DYM: variants seen among roughly 807,000 people sequenced by gnomAD.
DYM encodes the protein dymeclin.
DYM carries 78 observed loss-of-function variants against 93.1 expected under a neutral mutation model. The observed-to-expected ratio is 0.84, with a 90% CI of 0.70 to 1.01. The LOEUF (loss-of-function observed/expected upper bound fraction) is 1.01, where lower values mean the gene tolerates loss of function less well. Ranked by LOEUF, DYM falls within the 50% of genes least tolerant of loss-of-function variation. The pLI, the probability that DYM is intolerant of heterozygous loss-of-function variation, is 0.00. For synonymous variants in DYM, 321 were observed against 319.7 expected (o/e 1.00, Z -0.04); for missense variants, 789 against 845.0 (o/e 0.93, Z 0.82).
intron 14 of DYM, among the ~76,000 whole-genome samples, chr18:49,189,750 C>T (rs2090794820): frequency 6.6e-6 from 1 of 151,912 alleles, no homozygotes; most frequent in Admixed American, 6.6e-5. Flanking sequence ...GTAATAAAGC[C>T]ACAGGGAAAA....
At chr18:49,235,461 A>C (rs1462635945) in intron 13 of DYM, among the ~76,000 whole-genome samples, 1 of 90,512 alleles carries the variant, frequency 1.1e-5, no homozygotes, top group Admixed American at 1.3e-4. Context: ...TTGTGAAAAA[A>C]ATTTAAAAAT....
At chr18:49,104,130 C>A (rs1460697349) in intron 16 of DYM, among the ~76,000 whole-genome samples, 1 of 152,068 alleles carries the variant, frequency 6.6e-6, no homozygotes, top group East Asian at 1.9e-4. Context: ...TCCTTCACAT[C>A]CCTTGTAAGT....
At chr18:49,252,868 C>A (rs1189907016) in intron 13 of DYM, among the ~76,000 whole-genome samples, 1 of 152,126 alleles carries the variant, frequency 6.6e-6, no homozygotes, top group African/African-American at 2.4e-5. Flanking sequence ...TCTTGAAATT[C>A]AATAACCTCA....
At chr18:49,342,367 T>C (rs1358455246) in intron 6 of DYM, among the ~76,000 whole-genome samples, 1 of 152,210 alleles carries the variant, frequency 6.6e-6, no homozygotes, top group Non-Finnish European at 1.5e-5. Flanking sequence ...AGTCTCTCCA[T>C]TAAAAGGTCT....
intron 8 of DYM, among the ~76,000 whole-genome samples, chr18:49,312,215 CA>C (rs1161771173): frequency 6.6e-6 from 1 of 152,154 alleles, no homozygotes; most frequent in African/African-American, 2.4e-5. Flanking sequence ...TCTAGGCAGA[CA>C]GGGGCAGGTC....
intron 1 of DYM, among the ~76,000 whole-genome samples, chr18:49,442,636 A>G (rs887491971): frequency 1.3e-5 from 2 of 151,974 alleles, no homozygotes. Context: ...AAACTAAAAT[A>G]TCTTTAGATA....
At chr18:49,213,565 T>C (rs2092892088) in intron 13 of DYM, among the ~76,000 whole-genome samples, 2 of 152,096 alleles carry the variant, frequency 1.3e-5, no homozygotes, top group Admixed American at 6.6e-5. Context: ...ATCCACCCAC[T>C]TCAGCCTCCC....
intron 13 of DYM, among the ~76,000 whole-genome samples, chr18:49,237,089 C>T (rs1364746080): frequency 1.3e-5 from 2 of 151,980 alleles, no homozygotes; most frequent in East Asian, 1.9e-4. Flanking sequence ...GCTTGGAACC[C>T]GGGAATCAAT....
intron 15 of DYM, among the ~76,000 whole-genome samples, chr18:49,147,382 A>T (rs2085282236): frequency 6.6e-6 from 1 of 152,110 alleles, no homozygotes; most frequent in African/African-American, 2.4e-5. Context: ...TGCACAGCAA[A>T]AGAAACTACC....
intron 17 of DYM, among the ~76,000 whole-genome samples, chr18:49,082,970 T>A (rs2145227411): frequency 6.6e-6 from 1 of 152,354 alleles, no homozygotes; most frequent in African/African-American, 2.4e-5. Flanking sequence ...CTTATATTCC[T>A]AGTTGTGTGA....
chr18:49,441,346 TA>T (rs1345157635), intron 1 of DYM, among the ~76,000 whole-genome samples: 13 of 80,902 alleles, frequency 1.6e-4, no homozygotes, highest in East Asian at 4.7e-4. Flanking sequence ...TATATATAAT[TA>T]ATATATAATT....
chr18:49,172,150 A>G (rs572039368), intron 14 of DYM, among the ~76,000 whole-genome samples: 1 of 152,300 alleles, frequency 6.6e-6, no homozygotes, highest in South Asian at 2.1e-4. Flanking sequence ...TGTGTCTGCC[A>G]TCTATCACTC....
intron 2 of DYM, among the ~76,000 whole-genome samples, chr18:49,412,632 G>A (rs1003909626): frequency 1.3e-5 from 2 of 152,142 alleles, no homozygotes; most frequent in African/African-American, 4.8e-5. Context: ...ACAGAATTTA[G>A]AAGATGGTTT....
At position 49,156,811 on chromosome 18, in the gene DYM, C is replaced by T. The variant is rs188737468; in HGVS notation, c.1728+6874G>A. On this transcript the variant is annotated intron_variant, in intron 15 of 17. Coordinates refer to ENST00000675505, the MANE Select transcript of DYM (RefSeq NM_001353214.3). The stretch of plus-strand genomic sequence containing the variant: ...CACTGACTTAGAGCTAGTCATATGC[C>T]CCCCTCCTAGATGCAAGGGAGCTGG... 2.0e-4 allele frequency among the ~76,000 whole-genome samples: 31 copies of T among 151,902 alleles called. No homozygotes were observed. In the East Asian group the frequency reaches 5.4e-3, roughly 27 times the overall value.
intron 17 of DYM, among the ~76,000 whole-genome samples, chr18:49,089,738 CATTA>C (rs1316536944): frequency 6.6e-6 from 1 of 152,160 alleles, no homozygotes; most frequent in Non-Finnish European, 1.5e-5. Flanking sequence ...GGTGACTGTT[CATTA>C]ATTAAGAGAA....
chr18:49,087,014 TA>T (rs767523268), intron 17 of DYM, among the ~76,000 whole-genome samples: 6 of 150,916 alleles, frequency 4.0e-5, no homozygotes, highest in Admixed American at 6.6e-5. Flanking sequence ...AAAAAATACA[TA>T]AAAATAAAAG....
chr18:49,153,012 G>A (rs1007969996), intron 15 of DYM, among the ~76,000 whole-genome samples: 1 of 152,166 alleles, frequency 6.6e-6, no homozygotes, highest in African/African-American at 2.4e-5. Context: ...TATGTAAGAT[G>A]AGTAAGTTCT....
intron 2 of DYM, among the ~76,000 whole-genome samples, chr18:49,403,419 T>C (rs985576764): frequency 1.3e-5 from 2 of 152,220 alleles, no homozygotes; most frequent in African/African-American, 4.8e-5. Flanking sequence ...TTGTATGATG[T>C]TTTATAGTTT....
At chr18:49,258,837 CACAGAGAGAGAGAGAGAGAGAGAGAG>C (rs2094440133) in intron 11 of DYM, among the ~76,000 whole-genome samples, 1 of 138,042 alleles carries the variant, frequency 7.2e-6, no homozygotes, top group Non-Finnish European at 1.5e-5. Context: ...CACACACACA[CACAGAGAGAGAGAGAGAGAGAGAGAG>C]AGAGAGAGAG....
Sources: allele counts gnomAD v4.1 joint callset (sites outside exome capture counted in the v4.1 genomes callset), GRCh38; gene constraint gnomAD v4.1.1; transcripts MANE v1.5; gene names NCBI Gene and HGNC (gene_info 2026-07-23, HGNC 2026-07-21).